REN: variants seen among roughly 807,000 people sequenced by gnomAD.
The protein encoded by REN is angiotensin-forming enzyme.
A neutral mutation model predicts 48.6 loss-of-function variants in REN; 42 were observed. The observed-to-expected ratio is 0.86, with a 90% confidence interval of 0.68 to 1.12. REN has a LOEUF of 1.12. Ranked by LOEUF, REN falls within the 50% of genes most tolerant of loss-of-function variation. The pLI is 0.00. For missense variants in REN, 443 were observed against 527.3 expected, an observed-to-expected ratio of 0.84 and a Z score of 1.57; for synonymous variants, 196 against 204.6, an observed-to-expected ratio of 0.96 and a Z score of 0.36.
chr1:204,160,498 G>T, intron 4 of REN, 62 bp downstream of exon 4: 1 of 1,129,270 alleles, frequency 8.9e-7, no homozygotes, highest in Non-Finnish European at 1.4e-6. Flanking sequence ...GCCCTGGAGG[G>T]TCAGGAGAGG....
rs750921316 is a variant in REN, at chr1:204,162,010, C to A, written c.249+3G>T. The A allele has an allele frequency of 8.1e-6, 13 of 1,614,150 alleles. No individual in the cohort carries two copies. The highest frequency in any genetic ancestry group is 1.1e-5 in the Non-Finnish European group (13 of 1,180,024). ...GGAGCGAGGGGCTGAGCCAAGCACTCACGTCCATGTAGTTGGTGAGGATCA... is the reference window on the plus strand; with the variant it reads ...GGAGCGAGGGGCTGAGCCAAGCACTAACGTCCATGTAGTTGGTGAGGATCA... On this transcript the variant is annotated splice_donor_region_variant and intron_variant, in intron 2 of 9. Coordinates refer to ENST00000272190, the MANE Select transcript of REN (RefSeq NM_000537.4).
chr1:204,165,534 A>T (rs935425916), intron 1 of REN, among the ~76,000 whole-genome samples: 5 of 152,078 alleles, frequency 3.3e-5, no homozygotes, highest in African/African-American at 9.7e-5. Flanking sequence ...TAAGCCTTGC[A>T]TTTAACCACG....
intron 1 of REN, among the ~76,000 whole-genome samples, chr1:204,163,303 A>G (rs1161683250): frequency 6.6e-6 from 1 of 152,204 alleles, no homozygotes; most frequent in Non-Finnish European, 1.5e-5. Flanking sequence ...TTGCCCATGA[A>G]CATGAATGCA....
intron 9 of REN, 141 bp downstream of exon 9, chr1:204,155,679 T>C: frequency 1.4e-6 from 1 of 731,326 alleles, no homozygotes. Flanking sequence ...ACCAGGATTT[T>C]TCAAAGCTCT....
chr1:204,155,837 C>T lies in REN; in HGVS notation c.1042G>A (p.Ala348Thr), dbSNP rs1412575410. Residue 348 changes from alanine (A) to threonine (T), a missense_variant, in exon 9 of 10, where the codon GCG (alanine) becomes ACG (threonine). By Grantham distance (58) the Ala-to-Thr change is moderately conservative (BLOSUM62 0). Coordinates refer to ENST00000272190, the MANE Select transcript of REN (RefSeq NM_000537.4). ...LGGKEYTLTSADYVFQESYSS... is the reference protein window; with the variant it reads ...LGGKEYTLTSTDYVFQESYSS... Reference sequence around the variant, plus strand: ...AACCTCACCTGAAATACATAGTCCGCGCTGGTGAGCGTGTATTCTTTGCCT... The same window carrying T: ...AACCTCACCTGAAATACATAGTCCGTGCTGGTGAGCGTGTATTCTTTGCCT... The T allele has an allele frequency of 8.7e-6, 14 of 1,613,850 alleles. No individual in the cohort carries two copies. The highest frequency in any genetic ancestry group is 1.7e-5 in the Admixed American group (1 of 59,990).
rs1332995811 is a variant in REN at position 204,159,511 on chromosome 1, C to A, written c.577G>T (p.Val193Phe). The change falls in exon 5 of 10, where the codon GTT (valine) becomes TTT (phenylalanine). Residue 193 changes from valine (V) to phenylalanine (F), a missense_variant. Val to Phe is a conservative substitution (Grantham distance 50, BLOSUM62 -1). Coordinates refer to ENST00000272190, the MANE Select transcript of REN (RefSeq NM_000537.4). ...LPFMLAEFDG[V>F]VGMGFIEQAI... ...TGTTCAATGAAGCCCATGCCCACAA[C>A]CCCATCAAACTCGGCCAGCATGAAG... 1 of 1,614,176 alleles carries A rather than the reference C, an allele frequency of 6.2e-7. No homozygotes were observed. Among genetic ancestry groups the A allele is most frequent in the Non-Finnish European group, 8.5e-7 (1 of 1,180,022 alleles).
Position 204,156,380 on chromosome 1 carries a change from C to A in REN, c.819-61G>T, listed in dbSNP as rs1020173040. On this transcript the variant is annotated intron_variant, in intron 7 of 9. Coordinates refer to ENST00000272190, the MANE Select transcript of REN (RefSeq NM_000537.4). This position sits in a 1 kb window ranked among gnomAD's most constrained non-coding sequence, Gnocchi z 4.2. ...GACAGACAGAAGGCTGATGGGGCAC[C>A]TCCAGGCTGCATGTCCTTCCTGAGT... The A allele has an allele frequency of 6.3e-7, 1 of 1,580,926 alleles. No homozygotes were observed. The highest frequency in any genetic ancestry group is 1.4e-5 in the African/African-American group (1 of 73,480).
In REN at chr1:204,161,431, G is replaced by A. The variant is rs757593408; in HGVS notation, c.250-16C>T. The A allele has an allele frequency of 2.6e-6, 4 of 1,516,568 alleles. No individual in the cohort carries two copies. The African/African-American group carries it at 5.6e-5, about 21-fold the overall frequency. 93.9% of individuals were successfully genotyped at this position (1,516,568 alleles called of 1,614,324 possible). On this transcript the variant is annotated splice_polypyrimidine_tract_variant and intron_variant, in intron 2 of 9. Transcript: ENST00000272190. ...AGTACTGGGTCTGTGGGGGTAAAAA[G>A]AGAGGGCTGGAGGGGCTCAGGGGAC...
At chr1:204,155,716 A>T in intron 9 of REN, 104 bp downstream of exon 9, 1 of 938,538 alleles carries the variant, frequency 1.1e-6, no homozygotes, top group Non-Finnish European at 1.7e-6. Flanking sequence ...GCCAAGTTTG[A>T]GAACTACAGT....
rs1558243579 is a variant in REN, at chr1:204,156,184, CA to C, written c.953del (p.Leu318ArgfsTer6). ...LMEALGAKKRLFDYVVKCNEG... is the reference protein window; with the variant it reads ...LMEALGAKKRXFDYVVKCNEG... ...TCCCTCTTTGGCTTCTTACATCAAACAGCCTCTTCTTGGCTCCCAAGGCCTC... is the reference window on the plus strand; with the variant it reads ...TCCCTCTTTGGCTTCTTACATCAAACGCCTCTTCTTGGCTCCCAAGGCCTC... On this transcript the variant is annotated frameshift_variant, in exon 8 of 10. Transcript: ENST00000272190. LOFTEE classifies it high-confidence loss of function. This position sits in a 1 kb window ranked among gnomAD's most constrained non-coding sequence, Gnocchi z 4.2. 6.2e-7 allele frequency: 1 copy of C among 1,614,226 alleles called. No homozygotes were observed. The highest frequency in any genetic ancestry group is 1.7e-5 in the Admixed American group (1 of 60,030).
intron 5 of REN, among the ~76,000 whole-genome samples, chr1:204,157,741 T>G (rs1472343868): frequency 1.3e-5 from 2 of 152,264 alleles, no homozygotes; most frequent in Admixed American, 1.3e-4. Context: ...ATATGTTATT[T>G]TGTGCAACTG....
Position 204,156,653 on chromosome 1 carries a change from C to T in REN, c.818+24G>A, listed in dbSNP as rs3730104. 4.1e-3 allele frequency: 6,548 copies of T among 1,613,892 alleles called. 219 individuals are homozygous for T. The African/African-American group carries it at 0.076, about 19-fold the overall frequency. Reference sequence around the variant, plus strand: ...AGTGACGGCAGCATTTTTTGGAGCCCGGGGAGGGTTGAGGATTTCTGACCC... The same window carrying T: ...AGTGACGGCAGCATTTTTTGGAGCCTGGGGAGGGTTGAGGATTTCTGACCC... On this transcript the variant is annotated intron_variant, in intron 7 of 9. Coordinates refer to ENST00000272190, the MANE Select transcript of REN (RefSeq NM_000537.4). The surrounding 1 kb of genome is among the most constrained non-coding windows in gnomAD (Gnocchi z 4.2).
In REN at chr1:204,155,737, C is replaced by G. The variant is rs2368564; in HGVS notation, c.1059+83G>C. The G allele has an allele frequency of 5.6e-4, 590 of 1,045,830 alleles. 3 individuals carry two copies. In the African/African-American group the frequency reaches 7.9e-3, roughly 14 times the overall value. 64.8% of individuals were successfully genotyped at this position (1,045,830 alleles called of 1,614,324 possible). A position where few individuals can be genotyped will look rare whatever the true frequency, so the allele number is the denominator to read the frequency against. On this transcript the variant is annotated intron_variant, in intron 9 of 9. Transcript: ENST00000272190. The stretch of plus-strand genomic sequence containing the variant: ...TTTGAGAACTACAGTTCTAACATGA[C>G]CTGTGCATTGTAATCTGTCACTCTT...
intron 1 of REN, among the ~76,000 whole-genome samples, chr1:204,165,784 G>T (rs1045483945): frequency 6.6e-5 from 10 of 152,078 alleles, no homozygotes; most frequent in African/African-American, 7.2e-5. Context: ...TAGAGATGGG[G>T]TTTCCCCATG....
chr1:204,159,023 A>G (rs1180860587), intron 5 of REN, among the ~76,000 whole-genome samples: 1 of 152,134 alleles, frequency 6.6e-6, no homozygotes, highest in Non-Finnish European at 1.5e-5. Flanking sequence ...GTAATCCCTT[A>G]TTTACCATCG....
intron 1 of REN, among the ~76,000 whole-genome samples, chr1:204,164,351 T>A (rs1039159511): frequency 6.6e-6 from 1 of 152,096 alleles, no homozygotes; most frequent in Non-Finnish European, 1.5e-5. Flanking sequence ...ATCTGCAAAG[T>A]GGGAATGCTG....
chr1:204,165,026 C>T (rs182947817), intron 1 of REN, among the ~76,000 whole-genome samples: 4 of 151,734 alleles, frequency 2.6e-5, no homozygotes, highest in African/African-American at 9.7e-5. Context: ...GGCTGGAGTG[C>T]AATGGCGCTA....
chr1:204,155,366 C>A (rs996772244), intron 9 of REN, among the ~76,000 whole-genome samples, 189 bp from the exon 10 acceptor site: 4 of 152,178 alleles, frequency 2.6e-5, no homozygotes, highest in African/African-American at 9.7e-5. Context: ...CTATGTTTAG[C>A]CCCTGTGCTA....
intron 5 of REN, 93 bp downstream of exon 5, chr1:204,159,306 C>G (rs1658201663): frequency 1.7e-6 from 2 of 1,147,772 alleles, no homozygotes; most frequent in Non-Finnish European, 1.3e-6. Context: ...TAATTACAAA[C>G]ACTTTACAAT....
Sources: allele counts gnomAD v4.1 joint callset (sites outside exome capture counted in the v4.1 genomes callset), GRCh38; gene constraint gnomAD v4.1.1; non-coding constraint Gnocchi (gnomAD v3.1); transcripts MANE v1.5; gene names NCBI Gene and HGNC (gene_info 2026-07-23, HGNC 2026-07-21).